The following ENTREP2 variants were observed in gnomAD, a reference collection of about 807,000 sequenced individuals.
ENTREP2 encodes protein ENTREP2.
At chr15:29,581,975 T>G in the ENTREP2 span, among the ~76,000 whole-genome samples, 1 of 150,206 alleles carries the variant, frequency 6.7e-6, no homozygotes, top group Non-Finnish European at 1.5e-5. Flanking sequence ...AGAGGCTTGC[T>G]CTGTTGCCCA....
At chr15:29,126,554 C>A in the ENTREP2 span, 2 of 1,417,572 alleles carry the variant, frequency 1.4e-6, no homozygotes, top group African/African-American at 1.4e-5. Flanking sequence ...GTGGGACAGG[C>A]CTGCCCCTCA....
the ENTREP2 span, among the ~76,000 whole-genome samples, chr15:29,328,948 G>A: frequency 6.6e-6 from 1 of 152,232 alleles, no homozygotes; most frequent in African/African-American, 2.4e-5. Context: ...CCCTGTAGGT[G>A]CCTGAAAAAA....
the ENTREP2 span, among the ~76,000 whole-genome samples, chr15:29,362,367 CTTTTTTTTTTTTTT>C: frequency 2.2e-5 from 2 of 91,500 alleles, no homozygotes; most frequent in African/African-American, 9.3e-5. Context: ...TGTTTTTAAT[CTTTTTTTTTTTTTT>C]TTTTTTTTTT....
chr15:29,128,811 G>C, the ENTREP2 span: 132,821 of 1,549,384 alleles, frequency 0.086, 6,791 homozygotes, highest in East Asian at 0.2. Flanking sequence ...AGCCAGCACT[G>C]GTGTTTGGGT....
chr15:29,230,785 C>T, the ENTREP2 span, among the ~76,000 whole-genome samples: 1 of 152,084 alleles, frequency 6.6e-6, no homozygotes, highest in East Asian at 1.9e-4. Flanking sequence ...TGGCCTGAGA[C>T]AAGATTATTG....
chr15:29,501,970 G>C, the ENTREP2 span, among the ~76,000 whole-genome samples: 10 of 151,788 alleles, frequency 6.6e-5, no homozygotes, highest in African/African-American at 2.4e-4. Context: ...AACTAAAGAA[G>C]TGCAAGACAT....
chr15:29,159,504 C>A, the ENTREP2 span, among the ~76,000 whole-genome samples: 1 of 152,208 alleles, frequency 6.6e-6, no homozygotes, highest in Admixed American at 6.5e-5. Flanking sequence ...CCACCCACAT[C>A]CTGCTGATTG....
At chr15:29,144,761 C>T in the ENTREP2 span, among the ~76,000 whole-genome samples, 12 of 151,922 alleles carry the variant, frequency 7.9e-5, no homozygotes, top group South Asian at 2.1e-4. Context: ...AACATTTAGC[C>T]GGGTGTGGTG....
the ENTREP2 span, among the ~76,000 whole-genome samples, chr15:29,539,911 C>T: frequency 9.3e-4 from 142 of 152,240 alleles, no homozygotes; most frequent in East Asian, 0.023. Context: ...CTGCCCAGGA[C>T]GCCCACCTAG....
the ENTREP2 span, among the ~76,000 whole-genome samples, chr15:29,286,150 A>G: frequency 1.3e-5 from 2 of 152,248 alleles, no homozygotes; most frequent in Admixed American, 6.5e-5. Context: ...AGCTGCCATC[A>G]TCACTTCATC....
chr15:29,204,137 T>A, the ENTREP2 span, among the ~76,000 whole-genome samples: 3 of 152,166 alleles, frequency 2.0e-5, no homozygotes, highest in Non-Finnish European at 4.4e-5. Flanking sequence ...GCTGACAGAT[T>A]TATTTTAAGA....
At chr15:29,658,551 G>C in the ENTREP2 span, among the ~76,000 whole-genome samples, 2 of 152,022 alleles carry the variant, frequency 1.3e-5, no homozygotes, top group Non-Finnish European at 2.9e-5. Flanking sequence ...GGGTGTAGTG[G>C]TTACACAACT....
the ENTREP2 span, among the ~76,000 whole-genome samples, chr15:29,174,692 C>CAAAAAA: frequency 8.4e-5 from 9 of 107,476 alleles, no homozygotes; most frequent in African/African-American, 4.6e-4. Context: ...TCCAACTAAA[C>CAAAAAA]AAAACAAAAC....
chr15:29,183,355 C>T, the ENTREP2 span, among the ~76,000 whole-genome samples: 1 of 152,166 alleles, frequency 6.6e-6, no homozygotes, highest in African/African-American at 2.4e-5. Flanking sequence ...GCCAGGAGAG[C>T]GGGGATCCCT....
chr15:29,364,985 T>C, the ENTREP2 span, among the ~76,000 whole-genome samples: 1 of 152,146 alleles, frequency 6.6e-6, no homozygotes, highest in Non-Finnish European at 1.5e-5. Flanking sequence ...TTCTATGGGT[T>C]TGGAGAAATG....
the ENTREP2 span, among the ~76,000 whole-genome samples, chr15:29,273,474 A>G: frequency 6.6e-6 from 1 of 152,204 alleles, no homozygotes; most frequent in Non-Finnish European, 1.5e-5. Flanking sequence ...TTAGGATTAC[A>G]GGTGTGAGCC....
At chr15:29,135,311 T>C in the ENTREP2 span, among the ~76,000 whole-genome samples, 1 of 152,098 alleles carries the variant, frequency 6.6e-6, no homozygotes, top group Non-Finnish European at 1.5e-5. The surrounding 1 kb of genome is among the most constrained non-coding windows in gnomAD (Gnocchi z 7.4). Context: ...TGTTCATGGA[T>C]GATATCCTAA....
At chr15:29,582,917 G>C in the ENTREP2 span, among the ~76,000 whole-genome samples, 1 of 152,088 alleles carries the variant, frequency 6.6e-6, no homozygotes, top group Non-Finnish European at 1.5e-5. Flanking sequence ...CCAAAGTGCT[G>C]GGATTACAGG....
chr15:29,356,430 C>T, the ENTREP2 span, among the ~76,000 whole-genome samples: 2 of 149,382 alleles, frequency 1.3e-5, no homozygotes, highest in East Asian at 2.0e-4. Context: ...CCTCGCCTCC[C>T]GAGTAGCTGG....
Sources: allele counts gnomAD v4.1 joint callset (sites outside exome capture counted in the v4.1 genomes callset), GRCh38; gene constraint gnomAD v4.1.1; non-coding constraint Gnocchi (gnomAD v3.1); transcripts MANE v1.5; gene names NCBI Gene and HGNC (gene_info 2026-07-23, HGNC 2026-07-21).